HIVEP3: variants seen among roughly 807,000 people sequenced by gnomAD.
HIVEP3 encodes transcription factor HIVEP3.
HIVEP3 carries 49 observed loss-of-function variants against 152.8 expected under a neutral mutation model. That is an observed-to-expected ratio of 0.32 (90% CI 0.26 to 0.41). The LOEUF (loss-of-function observed/expected upper bound fraction) is 0.41. Among genes scored for constraint, HIVEP3 ranks in the 10% least tolerant of loss-of-function variants. HIVEP3 has a pLI of 1.00. For synonymous variants in HIVEP3, 1,269 were observed against 1,289.0 expected, an observed-to-expected ratio of 0.98 and a Z score of 0.33; for missense variants, 2,790 against 3,103.3, an observed-to-expected ratio of 0.90 and a Z score of 2.40.
At chr1:41,811,806 C>A (rs367673745) in intron 1 of HIVEP3, among the ~76,000 whole-genome samples, 5 of 151,964 alleles carry the variant, frequency 3.3e-5, no homozygotes, top group African/African-American at 1.2e-4. Flanking sequence ...AGAGGGAATA[C>A]GAAAATCGCA....
At chr1:41,611,993 G>T (rs749996818) in intron 3 of HIVEP3, among the ~76,000 whole-genome samples, 1 of 152,002 alleles carries the variant, frequency 6.6e-6, no homozygotes, top group Admixed American at 6.5e-5. Context: ...TTTTTCTACA[G>T]GACCCAACCT....
intron 1 of HIVEP3, among the ~76,000 whole-genome samples, chr1:41,853,054 G>A (rs944987428): frequency 1.7e-4 from 26 of 152,186 alleles, no homozygotes; most frequent in African/African-American, 6.3e-4. Context: ...GAAACAGGGT[G>A]GGAGGCATGT....
intron 1 of HIVEP3, among the ~76,000 whole-genome samples, chr1:41,741,377 C>A (rs551236946): frequency 6.6e-6 from 1 of 152,346 alleles, no homozygotes; most frequent in South Asian, 2.1e-4. Flanking sequence ...GCCGGGGTCC[C>A]AAGCTGTCTT....
At chr1:41,519,880 A>T (rs1170723918) in intron 6 of HIVEP3, among the ~76,000 whole-genome samples, 1 of 152,196 alleles carries the variant, frequency 6.6e-6, no homozygotes, top group Admixed American at 6.5e-5. Flanking sequence ...CAATAAACAG[A>T]TGAGATGATG....
intron 3 of HIVEP3, among the ~76,000 whole-genome samples, chr1:41,598,899 T>C (rs1280460078): frequency 6.6e-6 from 1 of 151,968 alleles, no homozygotes; most frequent in African/African-American, 2.4e-5. Flanking sequence ...CACTGCAACC[T>C]CCACCTCCTG....
At chr1:41,840,007 A>G in intron 1 of HIVEP3, among the ~76,000 whole-genome samples, 1 of 152,196 alleles carries the variant, frequency 6.6e-6, no homozygotes. Context: ...TTCAAGTGGC[A>G]TAGTGACAGA....
At chr1:41,797,279 T>C (rs1162082832) in intron 1 of HIVEP3, among the ~76,000 whole-genome samples, 1 of 152,198 alleles carries the variant, frequency 6.6e-6, no homozygotes, top group African/African-American at 2.4e-5. Context: ...CTATGGTTGC[T>C]CCCCTGAGCC....
chr1:42,023,086 A>G (rs974142796), intron 1 of HIVEP3, among the ~76,000 whole-genome samples: 6 of 152,172 alleles, frequency 3.9e-5, no homozygotes, highest in Non-Finnish European at 5.9e-5. Flanking sequence ...GCTGGAGTGC[A>G]ACCTCCACCT....
At chr1:41,920,591 G>T (rs76374491), upstream of HIVEP3, among the ~76,000 whole-genome samples, 4,346 of 115,058 alleles carry the variant, frequency 0.038, 83 homozygotes, top group Middle Eastern at 0.049. Context: ...TTTTTTTTTT[G>T]TTTTGTTTTT....
intron 1 of HIVEP3, among the ~76,000 whole-genome samples, chr1:41,754,616 TC>T (rs1647233708): frequency 1.3e-5 from 2 of 152,066 alleles, no homozygotes; most frequent in Admixed American, 1.3e-4. Context: ...CAATATACCT[TC>T]AGAGGGAAAA....
At chr1:41,839,291 G>T (rs578099273) in intron 1 of HIVEP3, among the ~76,000 whole-genome samples, 1 of 152,308 alleles carries the variant, frequency 6.6e-6, no homozygotes, top group South Asian at 2.1e-4. Context: ...CAAGAGTACA[G>T]GTGATCTTTC....
chr1:41,986,641 C>T (rs1322535091), intron 1 of HIVEP3, among the ~76,000 whole-genome samples: 6 of 152,042 alleles, frequency 3.9e-5, no homozygotes, highest in Non-Finnish European at 8.8e-5. Flanking sequence ...AGGGTTTCAC[C>T]GTGTTAGCCA....
intron 3 of HIVEP3, among the ~76,000 whole-genome samples, chr1:41,618,134 T>C (rs1210614924): frequency 2.6e-5 from 4 of 152,204 alleles, no homozygotes; most frequent in Non-Finnish European, 4.4e-5. Context: ...GTGCTGGCCA[T>C]GGACACAATG....
At chr1:41,545,695 T>TCAC (rs58607679) in intron 5 of HIVEP3, among the ~76,000 whole-genome samples, 1 of 91,062 alleles carries the variant, frequency 1.1e-5, no homozygotes, top group Non-Finnish European at 2.2e-5. Flanking sequence ...ATCACCACCA[T>TCAC]CACCACCACC....
intron 4 of HIVEP3, among the ~76,000 whole-genome samples, chr1:41,578,200 C>T (rs546796234): frequency 2.6e-5 from 4 of 152,160 alleles, no homozygotes; most frequent in Non-Finnish European, 5.9e-5. Context: ...TGATATTGCA[C>T]CCTAACTTTC....
At chr1:41,754,061 T>G (rs1285558750) in intron 1 of HIVEP3, among the ~76,000 whole-genome samples, 1 of 152,136 alleles carries the variant, frequency 6.6e-6, no homozygotes, top group Non-Finnish European at 1.5e-5. Flanking sequence ...CAGAGAGAAC[T>G]GTCTTCCAGA....
intron 1 of HIVEP3, among the ~76,000 whole-genome samples, chr1:41,896,320 G>A (rs1368669280): frequency 6.6e-6 from 1 of 152,198 alleles, no homozygotes; most frequent in African/African-American, 2.4e-5. Flanking sequence ...ACCAGATTAT[G>A]AGCATTCCTC....
intron 1 of HIVEP3, among the ~76,000 whole-genome samples, chr1:41,862,631 C>T (rs58802700): frequency 6.1e-4 from 93 of 152,306 alleles, no homozygotes; most frequent in African/African-American, 1.9e-3. Flanking sequence ...TTGCCTCCTG[C>T]CTCCTATTTC....
At chr1:41,794,460 A>T (rs1649872071) in intron 1 of HIVEP3, among the ~76,000 whole-genome samples, 1 of 152,182 alleles carries the variant, frequency 6.6e-6, no homozygotes, top group South Asian at 2.1e-4. Context: ...TGAAAGGGGA[A>T]CTTATAGGTA....
Sources: allele counts gnomAD v4.1 joint callset (sites outside exome capture counted in the v4.1 genomes callset), GRCh38; gene constraint gnomAD v4.1.1; transcripts MANE v1.5; gene names NCBI Gene and HGNC (gene_info 2026-07-23, HGNC 2026-07-21).